The following TBC1D5 variants were observed in gnomAD, a reference collection of about 807,000 sequenced individuals.
TBC1D5 encodes the protein TBC1 domain family member 5.
In TBC1D5, 75 loss-of-function variants were observed where a neutral mutation model predicts 100.3. The ratio of observed to expected loss-of-function variants is 0.75; its 90% CI spans 0.62 to 0.91. The LOEUF is 0.91. Among genes scored for constraint, TBC1D5 ranks in the 40% least tolerant of loss-of-function variants. The pLI, the probability that TBC1D5 is intolerant of heterozygous loss-of-function variation, is 0.00. For missense variants in TBC1D5, 910 were observed against 942.4 expected, an observed-to-expected ratio of 0.97 and a Z score of 0.45; for synonymous variants, 323 against 325.6, an observed-to-expected ratio of 0.99 and a Z score of 0.09.
At chr3:17,262,030 C>T (rs1216386043) in intron 15 of TBC1D5, among the ~76,000 whole-genome samples, 1 of 152,154 alleles carries the variant, frequency 6.6e-6, no homozygotes, top group East Asian at 1.9e-4. Context: ...TATGTCAACA[C>T]TTTAACATTA....
chr3:17,610,348 C>A (rs906845898), intron 2 of TBC1D5, among the ~76,000 whole-genome samples: 5 of 152,154 alleles, frequency 3.3e-5, no homozygotes, highest in African/African-American at 1.2e-4. Flanking sequence ...CCATGCATGA[C>A]TAATTGTTTT....
chr3:17,531,857 T>C (rs955341119), intron 2 of TBC1D5, among the ~76,000 whole-genome samples: 3 of 152,176 alleles, frequency 2.0e-5, no homozygotes, highest in Non-Finnish European at 4.4e-5. Context: ...AAGATTTACA[T>C]GTTAGACCTA....
At chr3:17,299,093 C>G (rs55807110) in intron 14 of TBC1D5, among the ~76,000 whole-genome samples, 25 of 152,304 alleles carry the variant, frequency 1.6e-4, no homozygotes, top group Non-Finnish European at 3.2e-4. Context: ...GCCAGCATCG[C>G]TACTCTTGAG....
intron 3 of TBC1D5, among the ~76,000 whole-genome samples, chr3:17,466,540 T>C (rs537708404): frequency 6.6e-6 from 1 of 152,346 alleles, no homozygotes; most frequent in East Asian, 1.9e-4. Context: ...TACTTACTTA[T>C]TTCCTCTTTT....
chr3:17,202,661 C>T (rs1473570500), intron 18 of TBC1D5, among the ~76,000 whole-genome samples: 4 of 152,234 alleles, frequency 2.6e-5, no homozygotes, highest in Non-Finnish European at 4.4e-5. Context: ...TGGGACACTG[C>T]TCCTTGTATC....
At chr3:17,535,816 A>G (rs1012206451) in intron 2 of TBC1D5, among the ~76,000 whole-genome samples, 1 of 152,180 alleles carries the variant, frequency 6.6e-6, no homozygotes, top group African/African-American at 2.4e-5. Flanking sequence ...TGATTAACAC[A>G]CAAAACAAAC....
chr3:17,384,231 A>G (rs1465283207), intron 8 of TBC1D5, among the ~76,000 whole-genome samples: 2 of 152,062 alleles, frequency 1.3e-5, no homozygotes, highest in Non-Finnish European at 2.9e-5. Context: ...ACATATTCAC[A>G]TTTCAAATTT....
At chr3:17,666,576 C>G (rs2067276314) in intron 1 of TBC1D5, among the ~76,000 whole-genome samples, 1 of 152,142 alleles carries the variant, frequency 6.6e-6, no homozygotes, top group Admixed American at 6.5e-5. Flanking sequence ...ATTTACCCTT[C>G]AAGTTAGACT....
At chr3:17,354,592 T>C (rs1009861831) in intron 13 of TBC1D5, among the ~76,000 whole-genome samples, 6 of 152,056 alleles carry the variant, frequency 3.9e-5, no homozygotes, top group Admixed American at 2.6e-4. Flanking sequence ...GCAGTGTTGC[T>C]GTATTAATGG....
chr3:17,617,156 TG>T (rs747136927), intron 2 of TBC1D5, among the ~76,000 whole-genome samples: 11 of 152,164 alleles, frequency 7.2e-5, no homozygotes, highest in Non-Finnish European at 1.5e-4. Context: ...AAGCTTAGTT[TG>T]GTTGGATATG....
At chr3:17,339,193 C>T (rs1051754742) in intron 13 of TBC1D5, among the ~76,000 whole-genome samples, 3 of 152,196 alleles carry the variant, frequency 2.0e-5, no homozygotes, top group African/African-American at 7.2e-5. Flanking sequence ...ATTATCATGG[C>T]ACACTATGAA....
intron 1 of TBC1D5, among the ~76,000 whole-genome samples, chr3:17,659,799 G>C (rs1416700795): frequency 1.3e-5 from 2 of 151,922 alleles, no homozygotes; most frequent in Admixed American, 6.6e-5. Context: ...CTTAAATCCA[G>C]GATAAGCTCT....
chr3:17,214,364 C>CTAA, exon 18 of TBC1D5: 1 of 1,610,944 alleles, frequency 6.2e-7, no homozygotes, highest in South Asian at 1.1e-5. Context: ...GTTTTTAGAA[C>CTAA]TTAGCCCTGT....
At chr3:17,528,884 C>T (rs1198177391) in intron 2 of TBC1D5, among the ~76,000 whole-genome samples, 2 of 152,170 alleles carry the variant, frequency 1.3e-5, no homozygotes, top group Non-Finnish European at 2.9e-5. Context: ...TTGTTCACTT[C>T]ATCAGTCTAT....
intron 13 of TBC1D5, among the ~76,000 whole-genome samples, chr3:17,318,029 A>G (rs1363029814): frequency 1.3e-5 from 2 of 152,124 alleles, no homozygotes; most frequent in African/African-American, 4.8e-5. Flanking sequence ...CACATACACC[A>G]TGGAATACTA....
chr3:17,460,401 C>G (rs1204738334), intron 3 of TBC1D5, among the ~76,000 whole-genome samples: 1 of 152,124 alleles, frequency 6.6e-6, no homozygotes, highest in Non-Finnish European at 1.5e-5. Context: ...TAAAACAATT[C>G]CTATTTCTGT....
At chr3:17,555,093 C>G (rs1198270947) in intron 2 of TBC1D5, among the ~76,000 whole-genome samples, 2 of 152,042 alleles carry the variant, frequency 1.3e-5, no homozygotes, top group African/African-American at 4.8e-5. Context: ...TTGTGATCCA[C>G]CCTCCTAGGC....
At chr3:17,703,194 G>T (rs1414671157) in intron 1 of TBC1D5, among the ~76,000 whole-genome samples, 1 of 151,132 alleles carries the variant, frequency 6.6e-6, no homozygotes, top group African/African-American at 2.4e-5. Context: ...TAAAGAAAAA[G>T]AAAAATATTC....
In TBC1D5 at chr3:17,463,977, G is replaced by GTTTTGC. The variant is rs529892765; in HGVS notation, c.98-35464_98-35459dup. Among the ~76,000 whole-genome samples the GTTTTGC allele has an allele frequency of 1.4e-3, 131 of 93,706 alleles. 1 individual carries two copies. Among genetic ancestry groups the GTTTTGC allele is most frequent in the African/African-American group, 5.7e-3 (127 of 22,284 alleles). The allele number at this position is 93,706 out of a possible 152,430, so 61.5% of individuals were successfully genotyped here. A position where few individuals can be genotyped will look rare whatever the true frequency, so the allele number is the denominator to read the frequency against. On this transcript the variant is annotated intron_variant, in intron 3 of 21. Coordinates refer to ENST00000253692, the Ensembl canonical transcript of TBC1D5. The stretch of plus-strand genomic sequence containing the variant: ...TTTTTTTTTTTTTTTTTGAGACGGT[G>GTTTTGC]TTTTGCTCTTCTTGCCCAGGCTGGA...
Sources: allele counts gnomAD v4.1 joint callset (sites outside exome capture counted in the v4.1 genomes callset), GRCh38; gene constraint gnomAD v4.1.1; transcripts MANE v1.5; gene names NCBI Gene and HGNC (gene_info 2026-07-23, HGNC 2026-07-21).